The following PITPNM3 variants were observed in gnomAD, a reference collection of about 807,000 sequenced individuals.
PITPNM3 encodes the protein PITPNM family member 3.
Under a neutral mutation model 102.0 loss-of-function variants are expected in PITPNM3, and 26 were observed. The ratio of observed to expected loss-of-function variants is 0.25; its 90% CI spans 0.19 to 0.35. The LOEUF (loss-of-function observed/expected upper bound fraction) is 0.35, where lower values mean the gene tolerates loss of function less well. PITPNM3 is among the 10% of genes least tolerant of loss of function. The probability of loss-of-function intolerance (pLI) is 1.00; values close to 1 mark genes in which losing one functional copy is unlikely to be tolerated. For synonymous variants in PITPNM3, 578 were observed against 558.6 expected, an observed-to-expected ratio of 1.03 and a Z score of -0.49; for missense variants, 1,083 against 1,346.1, an observed-to-expected ratio of 0.80 and a Z score of 3.06.
At position 6,459,710 on chromosome 17, in the gene PITPNM3, T is replaced by C. The variant is rs556278704; in HGVS notation, c.2490+1663A>G. Among the ~76,000 whole-genome samples the C allele has an allele frequency of 6.6e-6, 1 of 152,296 alleles. No homozygotes were observed. Among genetic ancestry groups the C allele is most frequent in the African/African-American group, 2.4e-5 (1 of 41,564 alleles). On this transcript the variant is annotated intron_variant, in intron 18 of 19. Transcript: ENST00000262483. The surrounding 1 kb of genome is among the most constrained non-coding windows in gnomAD (Gnocchi z 5.0). ...ATCACCCCCAATGCAGAAGCTATAT[T>C]GGTGAGCAGAACGGACAGGCTCTGC...
At chr17:6,506,940 C>T (rs2137795) in intron 3 of PITPNM3, among the ~76,000 whole-genome samples, 144,677 of 152,336 alleles carry the variant, frequency 0.95, 68,760 homozygotes, top group East Asian at 1. Flanking sequence ...CATGCTGAAA[C>T]GCACTAGTTG....
chr17:6,548,690 C>T (rs539569854), intron 1 of PITPNM3, among the ~76,000 whole-genome samples: 3 of 152,176 alleles, frequency 2.0e-5, no homozygotes, highest in East Asian at 1.9e-4. Flanking sequence ...CTGTCAGCCC[C>T]GAGAGCTCAC....
At chr17:6,553,082 T>C (rs1910405844) in intron 1 of PITPNM3, among the ~76,000 whole-genome samples, 1 of 152,070 alleles carries the variant, frequency 6.6e-6, no homozygotes, top group African/African-American at 2.4e-5. Context: ...TGGCCACCTT[T>C]CTATACAAAC....
In PITPNM3 at chr17:6,461,075, G is replaced by A. The variant is rs1231480781; in HGVS notation, c.2490+298C>T. On this transcript the variant is annotated intron_variant, in intron 18 of 19. Transcript: ENST00000262483. The stretch of plus-strand genomic sequence containing the variant: ...CAAGCACAGAGTAAGGAACACAATC[G>A]GCACTTAAATGTCTATTGGATGAAT... 3.6e-5 allele frequency: 17 copies of A among 470,500 alleles called. No homozygotes were observed. The East Asian group carries it at 5.7e-4, about 16-fold the overall frequency. 29.1% of individuals were successfully genotyped at this position (470,500 alleles called of 1,614,324 possible).
Position 6,483,758 on chromosome 17 carries a change from A to AG in PITPNM3, c.352-7dup. 6.2e-7 allele frequency: 1 copy of AG among 1,610,566 alleles called. No individual in the cohort carries two copies. The highest frequency in any genetic ancestry group is 8.5e-7 in the Non-Finnish European group (1 of 1,179,960). On this transcript the variant is annotated splice_region_variant and splice_polypyrimidine_tract_variant and intron_variant, in intron 5 of 19. Transcript: ENST00000262483. ...GAGCGCTGCGGGCAGCCTTCCTGAG[A>AG]GCCAAGGCGGTTGGAATACAGAGAG...
At chr17:6,466,023 C>T (rs1214943655) in intron 14 of PITPNM3, among the ~76,000 whole-genome samples, 1 of 152,194 alleles carries the variant, frequency 6.6e-6, no homozygotes, top group Non-Finnish European at 1.5e-5. Flanking sequence ...GCGTAGAGTC[C>T]GGAACCTGAG....
At chr17:6,498,001 C>T (rs1340073750) in intron 4 of PITPNM3, among the ~76,000 whole-genome samples, 2 of 152,154 alleles carry the variant, frequency 1.3e-5, no homozygotes, top group Admixed American at 1.3e-4. Flanking sequence ...TGTCATGCCT[C>T]CTCCCACCGG....
At chr17:6,484,104 C>A in intron 5 of PITPNM3, 112 bp downstream of exon 5, 1 of 1,232,528 alleles carries the variant, frequency 8.1e-7, no homozygotes. Flanking sequence ...CAGGGTCACA[C>A]AGCAAGTCAG....
chr17:6,464,586 G>C, intron 15 of PITPNM3, 69 bp downstream of exon 15: 3 of 1,459,716 alleles, frequency 2.1e-6, no homozygotes, highest in Non-Finnish European at 2.9e-6. Flanking sequence ...CACCCCACAC[G>C]CTATGTGGCT....
Position 6,468,117 on chromosome 17 carries a change from A to G in PITPNM3, c.1890+108T>C. 9.4e-7 allele frequency: 1 copy of G among 1,065,040 alleles called. No individual in the cohort carries two copies. Among genetic ancestry groups the G allele is most frequent in the Non-Finnish European group, 1.4e-6 (1 of 695,134 alleles). The allele number at this position is 1,065,040 out of a possible 1,614,324, so 66.0% of individuals were successfully genotyped here. A position where few individuals can be genotyped will look rare whatever the true frequency, so the allele number is the denominator to read the frequency against. On this transcript the variant is annotated intron_variant, in intron 14 of 19. Coordinates refer to ENST00000262483, the MANE Select transcript of PITPNM3 (RefSeq NM_031220.4). The surrounding 1 kb of genome is among the most constrained non-coding windows in gnomAD (Gnocchi z 5.2). ...CAGCCTGTTTGGGTGCTGAGCTCTG[A>G]GGACAAATTGAAGCGCTTACCTCCC...
rs542795400 is a variant in PITPNM3, at chr17:6,544,711, G to A, written c.23-6629C>T. ...ACATACACATACACGAGAACAGCAG[G>A]TTCTACAAGCACAAGCATCAGGGTC... is the stretch of plus-strand genomic sequence containing the variant. On this transcript the variant is annotated intron_variant, in intron 1 of 19. Transcript: ENST00000262483. Among the ~76,000 whole-genome samples the A allele has an allele frequency of 2.7e-5, 4 of 148,290 alleles. No individual in the cohort carries two copies. In the South Asian group the frequency reaches 8.5e-4, roughly 32 times the overall value.
intron 16 of PITPNM3, 52 bp from the exon 17 acceptor site, chr17:6,463,933 C>A (rs183675481): frequency 1.2e-6 from 2 of 1,607,020 alleles, no homozygotes; most frequent in South Asian, 2.2e-5. Context: ...AGACGTTAGC[C>A]GGAATCCAGA....
In PITPNM3 at chr17:6,452,089, A is replaced by G. The variant is rs1450715221; in HGVS notation, c.*3249T>C. 1 of 152,182 alleles carries G rather than the reference A, an allele frequency of 6.6e-6. No homozygotes were observed. Among genetic ancestry groups the G allele is most frequent in the Non-Finnish European group, 1.5e-5 (1 of 68,040 alleles). 9.4% of individuals were successfully genotyped at this position (152,182 alleles called of 1,614,324 possible). A position where few individuals can be genotyped will look rare whatever the true frequency, so the allele number is the denominator to read the frequency against. ...TGAGATCCAGCCTCGCCTCTTCTAG[A>G]CAGCCCACCGCCAGGAATCTCTGGA... On this transcript the variant is annotated 3_prime_UTR_variant, in exon 20 of 20. Coordinates refer to ENST00000262483, the MANE Select transcript of PITPNM3 (RefSeq NM_031220.4).
At chr17:6,543,154 G>A (rs534191518) in intron 1 of PITPNM3, among the ~76,000 whole-genome samples, 10 of 152,294 alleles carry the variant, frequency 6.6e-5, no homozygotes, top group South Asian at 2.1e-4. Flanking sequence ...GAGCTGGGCC[G>A]CTCAGTGGGA....
At chr17:6,516,243 G>C (rs60420291) in intron 3 of PITPNM3, among the ~76,000 whole-genome samples, 1 of 152,116 alleles carries the variant, frequency 6.6e-6, no homozygotes, top group Non-Finnish European at 1.5e-5. Context: ...ACAAGGTAAC[G>C]TGTGGTTAGA....
intron 4 of PITPNM3, among the ~76,000 whole-genome samples, chr17:6,489,026 C>T (rs751823289): frequency 6.6e-5 from 10 of 152,206 alleles, no homozygotes; most frequent in Non-Finnish European, 1.2e-4. Context: ...CCCAGCTCAC[C>T]ATGGCTGCTC....
In PITPNM3 at chr17:6,453,215, T is replaced by G. The variant is rs1052579898; in HGVS notation, c.*2123A>C. ...GTTCTCAGGGAAGAGGGAATGTAAC[T>G]GGGAGCAAAGTACCCCATACTAATT... On this transcript the variant is annotated 3_prime_UTR_variant, in exon 20 of 20. Transcript: ENST00000262483. 2.6e-5 allele frequency: 4 copies of G among 151,970 alleles called. No individual in the cohort carries two copies. The highest frequency in any genetic ancestry group is 9.7e-5 in the African/African-American group (4 of 41,366). The allele number at this position is 151,970 out of a possible 1,614,324, so 9.4% of individuals were successfully genotyped here. A position where few individuals can be genotyped will look rare whatever the true frequency, so the allele number is the denominator to read the frequency against.
chr17:6,517,092 G>T lies in PITPNM3; in HGVS notation c.226+8264C>A, dbSNP rs1908231967. On this transcript the variant is annotated intron_variant, in intron 3 of 19. Coordinates refer to ENST00000262483, the MANE Select transcript of PITPNM3 (RefSeq NM_031220.4). This position sits in a 1 kb window ranked among gnomAD's most constrained non-coding sequence, Gnocchi z 4.1. ...AGCAAGCAAAATAAAGACATGTTTAGCAATGCAAGGACCTAGAAAATTGCT... is the reference window on the plus strand; with the variant it reads ...AGCAAGCAAAATAAAGACATGTTTATCAATGCAAGGACCTAGAAAATTGCT... Among the ~76,000 whole-genome samples, 1 of 152,148 alleles carries T rather than the reference G, an allele frequency of 6.6e-6. No individual in the cohort carries two copies. Among genetic ancestry groups the T allele is most frequent in the African/African-American group, 2.4e-5 (1 of 41,426 alleles).
In PITPNM3 at chr17:6,529,865, A is replaced by G. The variant is rs188660206; in HGVS notation, c.119-4402T>C. Among the ~76,000 whole-genome samples, 214 of 147,786 alleles carry G rather than the reference A, an allele frequency of 1.4e-3. 1 individual carries two copies. The Middle Eastern group carries it at 0.019, about 13-fold the overall frequency. The stretch of plus-strand genomic sequence containing the variant: ...CTCTTCCTTGTGAGGGGCAGTCCCC[A>G]CACAGCCCATCCCCAGACATGTTGG... On this transcript the variant is annotated intron_variant, in intron 2 of 19. Coordinates refer to ENST00000262483, the MANE Select transcript of PITPNM3 (RefSeq NM_031220.4).
Sources: allele counts gnomAD v4.1 joint callset (sites outside exome capture counted in the v4.1 genomes callset), GRCh38; gene constraint gnomAD v4.1.1; non-coding constraint Gnocchi (gnomAD v3.1); transcripts MANE v1.5; gene names NCBI Gene and HGNC (gene_info 2026-07-23, HGNC 2026-07-21).